The following HTR1E variants were observed in gnomAD, a reference collection of about 807,000 sequenced individuals.
HTR1E encodes 5-HT-1E.
In HTR1E, 3 loss-of-function variants were observed where a neutral mutation model predicts 3.4. The ratio of observed to expected loss-of-function variants is 0.89; its 90% CI spans 0.41 to 2.31. HTR1E has a LOEUF of 2.31. HTR1E is among the 30% of genes most tolerant of loss of function. The pLI is 0.05. For missense variants in HTR1E, 392 were observed against 467.0 expected, an observed-to-expected ratio of 0.84 and a Z score of 1.48; for synonymous variants, 170 against 182.8, an observed-to-expected ratio of 0.93 and a Z score of 0.56.
In HTR1E at chr6:87,016,420, A is replaced by G. The variant is rs1299554839; in HGVS notation, c.1086A>G (p.Arg362=). 3 of 1,601,420 alleles carry G rather than the reference A, an allele frequency of 1.9e-6. No individual in the cohort carries two copies. The highest frequency in any genetic ancestry group is 2.2e-5 in the East Asian group (1 of 44,598). ...KLAFKKLIRC[R]EHT ...CTTTTAAAAAGCTCATTAGATGCCG[A>G]GAGCATACTTAGACTGTAAAAAGCT... The change falls in exon 2 of 2, where the codon CGA becomes CGG. Residue 362 remains arginine (R), a synonymous_variant. Coordinates refer to ENST00000305344, the MANE Select transcript of HTR1E (RefSeq NM_000865.3).
chr6:87,000,728 C>T (rs1028518137), intron 1 of HTR1E, among the ~76,000 whole-genome samples: 4 of 152,202 alleles, frequency 2.6e-5, no homozygotes, highest in Admixed American at 2.0e-4. Flanking sequence ...CAACACCAGA[C>T]CTGTCCTGCA....
At chr6:86,960,746 T>G (rs1287256136) in intron 1 of HTR1E, among the ~76,000 whole-genome samples, 1 of 152,220 alleles carries the variant, frequency 6.6e-6, no homozygotes, top group Non-Finnish European at 1.5e-5. Context: ...AGCCTCAGTT[T>G]CCTCTCTGAT....
At chr6:86,980,400 AG>A (rs1767695812) in intron 1 of HTR1E, among the ~76,000 whole-genome samples, 2 of 151,552 alleles carry the variant, frequency 1.3e-5, no homozygotes, top group South Asian at 4.2e-4. Context: ...AAAAAAAAAA[AG>A]AAAAAAAGAG....
At chr6:86,957,085 A>G (rs1288049830) in intron 1 of HTR1E, among the ~76,000 whole-genome samples, 1 of 152,248 alleles carries the variant, frequency 6.6e-6, no homozygotes, top group South Asian at 2.1e-4. Context: ...TTGAAACAGC[A>G]AATCTTCAGA....
At chr6:86,946,033 C>G (rs1768611535) in intron 1 of HTR1E, among the ~76,000 whole-genome samples, 1 of 152,062 alleles carries the variant, frequency 6.6e-6, no homozygotes, top group Non-Finnish European at 1.5e-5. Flanking sequence ...GCCACCACAC[C>G]CGGCCTAATT....
chr6:87,010,014 A>T (rs1361492832), intron 1 of HTR1E, among the ~76,000 whole-genome samples: 2 of 69,076 alleles, frequency 2.9e-5, no homozygotes, highest in South Asian at 1.2e-3. Context: ...CGGAGGGCTG[A>T]CCCCCCCACC....
chr6:86,956,934 T>C (rs1328465075), intron 1 of HTR1E, among the ~76,000 whole-genome samples: 1 of 152,240 alleles, frequency 6.6e-6, no homozygotes, highest in Non-Finnish European at 1.5e-5. Flanking sequence ...TATTTGGCCA[T>C]GCTAGAAGAC....
At chr6:86,955,609 G>A in intron 1 of HTR1E, among the ~76,000 whole-genome samples, 1 of 152,304 alleles carries the variant, frequency 6.6e-6, no homozygotes, top group East Asian at 1.9e-4. Context: ...GTTGTTTAAA[G>A]CTGCTAAATT....
intron 1 of HTR1E, among the ~76,000 whole-genome samples, chr6:86,997,569 T>G (rs1481840508): frequency 6.6e-6 from 1 of 151,666 alleles, no homozygotes; most frequent in Non-Finnish European, 1.5e-5. Flanking sequence ...AACCGAAATT[T>G]CAAACACAAT....
chr6:87,005,611 A>G (rs1445490365), intron 1 of HTR1E, among the ~76,000 whole-genome samples: 1 of 152,190 alleles, frequency 6.6e-6, no homozygotes, highest in Non-Finnish European at 1.5e-5. Context: ...AAAGACTTAA[A>G]TCTAAGACCT....
intron 1 of HTR1E, among the ~76,000 whole-genome samples, chr6:86,998,010 C>CCATTTCTT: frequency 6.6e-6 from 1 of 151,286 alleles, no homozygotes; most frequent in Middle Eastern, 3.2e-3. Flanking sequence ...TGGAGATTTA[C>CCATTTCTT]ATAATGTTAT....
intron 1 of HTR1E, among the ~76,000 whole-genome samples, chr6:86,995,678 A>AG (rs1767930034): frequency 1.6e-5 from 1 of 63,974 alleles, no homozygotes; most frequent in African/African-American, 3.5e-5. Context: ...AAAAAAAAAA[A>AG]AAAAAAAAAG....
At chr6:86,988,040 A>T (rs1163846056) in intron 1 of HTR1E, among the ~76,000 whole-genome samples, 1 of 152,184 alleles carries the variant, frequency 6.6e-6, no homozygotes, top group African/African-American at 2.4e-5. Context: ...TTTGATCTTC[A>T]CAATAACTTT....
At chr6:86,939,833 C>T (rs1268168407) in intron 1 of HTR1E, among the ~76,000 whole-genome samples, 2 of 152,192 alleles carry the variant, frequency 1.3e-5, no homozygotes, top group Non-Finnish European at 2.9e-5. Context: ...TGGCTCATGT[C>T]TCTCAACATT....
chr6:86,947,073 G>A (rs1166851965), intron 1 of HTR1E, among the ~76,000 whole-genome samples: 3 of 151,880 alleles, frequency 2.0e-5, no homozygotes, highest in Non-Finnish European at 4.4e-5. Context: ...CCGAGATCGC[G>A]CCATTGCACT....
intron 1 of HTR1E, among the ~76,000 whole-genome samples, chr6:86,986,454 G>A (rs1014782720): frequency 6.6e-6 from 1 of 152,132 alleles, no homozygotes; most frequent in Non-Finnish European, 1.5e-5. Flanking sequence ...ACATTTGAAG[G>A]CAGTCTTTTT....
chr6:86,994,168 T>C (rs1340685260), intron 1 of HTR1E, among the ~76,000 whole-genome samples: 1 of 152,264 alleles, frequency 6.6e-6, no homozygotes, highest in East Asian at 1.9e-4. Context: ...CTAACATCCA[T>C]GTCAGTGGAG....
rs771992830 is a variant in HTR1E at position 87,015,325 on chromosome 6, C to A, written c.-10C>A. The stretch of plus-strand genomic sequence containing the variant: ...AGCTTCTCCACAGTGTAGACTGAAA[C>A]AAGGGAAACATGAACATCACAAACT... On this transcript the variant is annotated 5_prime_UTR_variant, in exon 2 of 2. Coordinates refer to ENST00000305344, the MANE Select transcript of HTR1E (RefSeq NM_000865.3). 2 of 1,532,156 alleles carry A rather than the reference C, an allele frequency of 1.3e-6. No individual in the cohort carries two copies. Among genetic ancestry groups the A allele is most frequent in the South Asian group, 1.3e-5 (1 of 78,332 alleles). 94.9% of individuals were successfully genotyped at this position (1,532,156 alleles called of 1,614,324 possible).
intron 1 of HTR1E, among the ~76,000 whole-genome samples, chr6:86,949,600 G>A (rs1185151595): frequency 6.6e-6 from 1 of 152,054 alleles, no homozygotes; most frequent in East Asian, 1.9e-4. Flanking sequence ...AAGTTTTGAG[G>A]TAGACCAGGA....
Sources: allele counts gnomAD v4.1 joint callset (sites outside exome capture counted in the v4.1 genomes callset), GRCh38; gene constraint gnomAD v4.1.1; transcripts MANE v1.5; gene names NCBI Gene and HGNC (gene_info 2026-07-23, HGNC 2026-07-21).